The following MCC variants were observed in gnomAD, a reference collection of about 807,000 sequenced individuals.
MCC encodes the protein colorectal mutant cancer protein.
Under a neutral mutation model 116.2 loss-of-function variants are expected in MCC, and 90 were observed. The ratio of observed to expected loss-of-function variants is 0.77; its 90% CI spans 0.65 to 0.92. MCC has a LOEUF of 0.92. Ranked by LOEUF, MCC falls within the 40% of genes least tolerant of loss-of-function variation. The pLI, the probability that MCC is intolerant of heterozygous loss-of-function variation, is 0.00. For synonymous variants in MCC, 578 were observed against 510.5 expected (o/e 1.13, Z -1.78); for missense variants, 1,516 against 1,312.2 (o/e 1.16, Z -2.40).
chr5:113,129,852 T>C (rs1216389305), intron 5 of MCC, among the ~76,000 whole-genome samples: 1 of 152,196 alleles, frequency 6.6e-6, no homozygotes, highest in Non-Finnish European at 1.5e-5. Flanking sequence ...CTGGAGAGGA[T>C]GTGGAGAAAT....
chr5:113,310,948 T>C (rs1767122031), intron 3 of MCC, among the ~76,000 whole-genome samples: 2 of 152,204 alleles, frequency 1.3e-5, no homozygotes, highest in South Asian at 4.1e-4. Context: ...TGTTGGGTAC[T>C]AGAGATATAA....
chr5:113,072,002 G>C (rs1189007686), intron 11 of MCC, among the ~76,000 whole-genome samples: 1 of 152,212 alleles, frequency 6.6e-6, no homozygotes, highest in Admixed American at 6.5e-5. Context: ...TGTAGATTCA[G>C]GGCAAATGAG....
rs1345943119 is a variant in MCC, at chr5:113,026,414, G to GT, written c.*887dup. On this transcript the variant is annotated 3_prime_UTR_variant, in exon 19 of 19. Transcript: ENST00000408903. ...TTTGATTCAGCAGAACAGCAATTATGTAGTGCCCTGGGGCGGGAAGTGCTA... is the reference window on the plus strand; with the variant it reads ...TTTGATTCAGCAGAACAGCAATTATGTTAGTGCCCTGGGGCGGGAAGTGCTA... 1 of 152,264 alleles carries GT rather than the reference G, an allele frequency of 6.6e-6. No homozygotes were observed. Among genetic ancestry groups the GT allele is most frequent in the African/African-American group, 2.4e-5 (1 of 41,460 alleles). 9.4% of individuals were successfully genotyped at this position (152,264 alleles called of 1,614,324 possible).
intron 3 of MCC, among the ~76,000 whole-genome samples, chr5:113,208,201 AT>A (rs1295006753): frequency 6.6e-6 from 1 of 152,168 alleles, no homozygotes; most frequent in East Asian, 1.9e-4. Flanking sequence ...TACTGAAGAT[AT>A]GTATCTTCAA....
chr5:113,336,945 T>G lies in MCC; in HGVS notation c.627+3574A>C, dbSNP rs551828026. ...TAGGAATCTCTCAGGAAATCCTCAATGCTAAAAATGTCTGTGCTAGTTATC... is the reference window on the plus strand; with the variant it reads ...TAGGAATCTCTCAGGAAATCCTCAAGGCTAAAAATGTCTGTGCTAGTTATC... On this transcript the variant is annotated intron_variant, in intron 3 of 18. Transcript: ENST00000408903. Among the ~76,000 whole-genome samples, 5 of 152,350 alleles carry G rather than the reference T, an allele frequency of 3.3e-5. No individual in the cohort carries two copies. The South Asian group carries it at 1.0e-3, about 32-fold the overall frequency.
chr5:113,350,854 T>A (rs753539291), intron 2 of MCC, among the ~76,000 whole-genome samples: 3 of 151,886 alleles, frequency 2.0e-5, no homozygotes, highest in Non-Finnish European at 4.4e-5. Context: ...AATCCAATAA[T>A]CTGATTTTAA....
At chr5:113,304,470 T>A (rs1418111811) in intron 3 of MCC, among the ~76,000 whole-genome samples, 4 of 152,226 alleles carry the variant, frequency 2.6e-5, no homozygotes, top group Non-Finnish European at 5.9e-5. Context: ...AGCCTAGGCA[T>A]CCTAATAACC....
At chr5:113,077,612 A>C (rs970417945) in intron 11 of MCC, among the ~76,000 whole-genome samples, 3 of 152,258 alleles carry the variant, frequency 2.0e-5, no homozygotes, top group African/African-American at 7.2e-5. Context: ...AACCAATGAG[A>C]ACAAAGACAA....
At position 113,401,097 on chromosome 5, in the gene MCC, A is replaced by C. The variant is rs192818695; in HGVS notation, c.171-15885T>G. ...TATTTGGGAAATGAACCACTTTTTA[A>C]AAATTTATTTCTAAGTGTATTTTAA... On this transcript the variant is annotated intron_variant, in intron 1 of 18. Transcript: ENST00000408903. Among the ~76,000 whole-genome samples the C allele has an allele frequency of 5.5e-4, 84 of 152,318 alleles. 2 individuals carry two copies. The highest frequency in any genetic ancestry group is 4.6e-3 in the Admixed American group (70 of 15,302).
chr5:113,386,034 G>A (rs1769247146), intron 1 of MCC, among the ~76,000 whole-genome samples: 1 of 152,124 alleles, frequency 6.6e-6, no homozygotes, highest in Admixed American at 6.5e-5. Flanking sequence ...ACATTTATGT[G>A]GAGGACATCG....
At chr5:113,071,655 C>T (rs1754051866) in intron 11 of MCC, among the ~76,000 whole-genome samples, 1 of 152,180 alleles carries the variant, frequency 6.6e-6, no homozygotes, top group Non-Finnish European at 1.5e-5. Flanking sequence ...ATTTGTTAAG[C>T]CTTTGCTTTA....
chr5:113,315,695 C>A (rs1767261227), intron 3 of MCC, among the ~76,000 whole-genome samples: 1 of 139,346 alleles, frequency 7.2e-6, no homozygotes, highest in Admixed American at 7.1e-5. Context: ...TGGCAAAACC[C>A]CATCTCTACA....
chr5:113,447,807 G>A (rs921707493), intron 1 of MCC, among the ~76,000 whole-genome samples: 1 of 152,038 alleles, frequency 6.6e-6, no homozygotes, highest in African/African-American at 2.4e-5. Flanking sequence ...CTGCATTGAT[G>A]CCAAAAGTCC....
At chr5:113,420,672 TTATAAA>T (rs1770306212) in intron 1 of MCC, among the ~76,000 whole-genome samples, 1 of 152,184 alleles carries the variant, frequency 6.6e-6, no homozygotes, top group African/African-American at 2.4e-5. Flanking sequence ...TTATTCTATT[TTATAAA>T]TATAAAGGAC....
At chr5:113,352,413 CT>C (rs1227785151) in intron 2 of MCC, among the ~76,000 whole-genome samples, 8 of 152,020 alleles carry the variant, frequency 5.3e-5, no homozygotes, top group African/African-American at 1.9e-4. Context: ...AAAAGGCTTA[CT>C]ATCTTCCCAT....
At chr5:113,456,623 A>ATTT (rs34111159) in intron 1 of MCC, among the ~76,000 whole-genome samples, 606 of 51,052 alleles carry the variant, frequency 0.012, 95 homozygotes, top group African/African-American at 0.028. Context: ...TGCCCAGCTA[A>ATTT]TTTTTTTTTT....
intron 1 of MCC, among the ~76,000 whole-genome samples, chr5:113,472,679 A>G: frequency 6.6e-6 from 1 of 152,212 alleles, no homozygotes; most frequent in South Asian, 2.1e-4. Flanking sequence ...TTCCTTTTAG[A>G]GAAGCTATAA....
intron 1 of MCC, among the ~76,000 whole-genome samples, chr5:113,406,663 T>A (rs1769843509): frequency 6.6e-6 from 1 of 152,222 alleles, no homozygotes; most frequent in African/African-American, 2.4e-5. Context: ...AGAATAATAT[T>A]TGAAAAACAC....
intron 2 of MCC, among the ~76,000 whole-genome samples, chr5:113,381,526 GC>G (rs1444065249): frequency 6.6e-6 from 1 of 152,132 alleles, no homozygotes; most frequent in Non-Finnish European, 1.5e-5. Context: ...GGTGGTGCTT[GC>G]CTGTAATCTC....
Sources: allele counts gnomAD v4.1 joint callset (sites outside exome capture counted in the v4.1 genomes callset), GRCh38; gene constraint gnomAD v4.1.1; transcripts MANE v1.5; gene names NCBI Gene and HGNC (gene_info 2026-07-23, HGNC 2026-07-21).